Variants in OSBP observed in about 807,000 individuals in gnomAD.
The protein encoded by OSBP is oxysterol-binding protein 1.
A neutral mutation model predicts 96.6 loss-of-function variants in OSBP; 32 were observed. The observed-to-expected ratio is 0.33, with a 90% CI of 0.25 to 0.45. The LOEUF (loss-of-function observed/expected upper bound fraction) is 0.45, where lower values mean the gene tolerates loss of function less well. Among genes scored for constraint, OSBP ranks in the 20% least tolerant of loss-of-function variants. The probability of loss-of-function intolerance (pLI) is 1.00; values close to 1 mark genes in which losing one functional copy is unlikely to be tolerated. For synonymous variants in OSBP, 369 were observed against 389.6 expected, an observed-to-expected ratio of 0.95 and a Z score of 0.62; for missense variants, 653 against 1,029.7, an observed-to-expected ratio of 0.63 and a Z score of 5.01.
chr11:59,588,535 CA>C (rs1316153377), intron 9 of OSBP, among the ~76,000 whole-genome samples: 7,511 of 69,148 alleles, frequency 0.11, 414 homozygotes, highest in African/African-American at 0.28. Flanking sequence ...GACTCGGTCT[CA>C]AAAAAAAAAA....
intron 9 of OSBP, among the ~76,000 whole-genome samples, chr11:59,586,040 G>C (rs1860495784): frequency 6.6e-6 from 1 of 151,934 alleles, no homozygotes; most frequent in African/African-American, 2.4e-5. Flanking sequence ...GGAAGGCCGC[G>C]GGGTCCTCTG....
At chr11:59,614,567 T>G (rs1036697601) in intron 1 of OSBP, among the ~76,000 whole-genome samples, 7 of 152,228 alleles carry the variant, frequency 4.6e-5, no homozygotes, top group African/African-American at 1.2e-4. Context: ...AAGACATGGA[T>G]TCTTCTTTTA....
chr11:59,589,152 T>C (rs779082549), intron 9 of OSBP, among the ~76,000 whole-genome samples: 93 of 2,244 alleles, frequency 0.041, no homozygotes, highest in African/African-American at 0.092. Flanking sequence ...GCAATCATTC[T>C]TTTTTTTTTT....
At chr11:59,606,350 TA>T (rs916276242) in intron 3 of OSBP, among the ~76,000 whole-genome samples, 4 of 126,534 alleles carry the variant, frequency 3.2e-5, no homozygotes, top group African/African-American at 3.0e-5. Flanking sequence ...GAAACGGCCA[TA>T]AAAAAAAAAC....
chr11:59,594,391 G>A (rs976094288), intron 7 of OSBP, 136 bp from the exon 8 acceptor site: 18 of 739,516 alleles, frequency 2.4e-5, no homozygotes, highest in South Asian at 3.7e-5. Flanking sequence ...TATTTAACCC[G>A]CAAACAACCC....
chr11:59,576,561 T>C lies in OSBP; in HGVS notation c.*16A>G, dbSNP rs1229927890. ...CTCTTCTCCATTATATGCTCCTCTT[T>C]TTTGTTACTGCCGTTTCAGAAAATG... On this transcript the variant is annotated 3_prime_UTR_variant, in exon 14 of 14. Coordinates refer to ENST00000263847, the MANE Select transcript of OSBP (RefSeq NM_002556.3). The C allele has an allele frequency of 6.2e-7, 1 of 1,610,712 alleles. No homozygotes were observed. The highest frequency in any genetic ancestry group is 8.5e-7 in the Non-Finnish European group (1 of 1,178,924).
chr11:59,613,927 G>A (rs1203982102), intron 1 of OSBP, among the ~76,000 whole-genome samples: 1 of 152,174 alleles, frequency 6.6e-6, no homozygotes, highest in Non-Finnish European at 1.5e-5. Flanking sequence ...AAAGAGACTT[G>A]TTCAGCCTAA....
chr11:59,615,596 G>A lies in OSBP; in HGVS notation c.69C>T (p.Gly23=). 4 of 1,374,180 alleles carry A rather than the reference G, an allele frequency of 2.9e-6. No individual in the cohort carries two copies. Among genetic ancestry groups the A allele is most frequent in the South Asian group, 3.2e-5 (2 of 61,596 alleles). 85.1% of individuals were successfully genotyped at this position (1,374,180 alleles called of 1,614,324 possible). Residue 23 remains glycine (G), a synonymous_variant, in exon 1 of 14, where the codon GGC becomes GGT. Transcript: ENST00000263847. ...CTCCCACCACTGGGGGACCGGCGCC[G>A]CCGCCGCCAAGTGCTGCAATGGCTG... ...GPAAIAALGG[G]GAGPPVVGGG... is the part of the protein sequence containing the mutation.
At chr11:59,593,900 C>T in intron 8 of OSBP, 110 bp downstream of exon 8, 3 of 1,457,630 alleles carry the variant, frequency 2.1e-6, no homozygotes, top group Non-Finnish European at 2.8e-6. Flanking sequence ...AGAATAAAAG[C>T]TGGGATGACA....
At chr11:59,604,822 T>C (rs1011634877) in intron 3 of OSBP, among the ~76,000 whole-genome samples, 3 of 151,358 alleles carry the variant, frequency 2.0e-5, no homozygotes, top group South Asian at 2.1e-4. Flanking sequence ...GCCACTGCAC[T>C]CCAGCCTGGG....
Position 59,615,408 on chromosome 11 carries a change from C to A in OSBP, c.257G>T (p.Gly86Val). The change falls in exon 1 of 14, where the codon GGT becomes GTT. Residue 86 changes from glycine (G) to valine (V), a missense_variant. Gly to Val is a moderately radical substitution (Grantham distance 109). Transcript: ENST00000263847. ...CCAGCCCTCTCGAGCCGAGCCCGAA[C>A]CCCCAGCGCCCGAGCCGCCCGAGCC... Reference protein sequence around the residue: ...TGGSGGSGAGGSGSAREGWLF... With the variant: ...TGGSGGSGAGVSGSAREGWLF... The A allele has an allele frequency of 6.5e-7, 1 of 1,544,426 alleles. No homozygotes were observed. Among genetic ancestry groups the A allele is most frequent in the South Asian group, 1.2e-5 (1 of 86,202 alleles).
intron 8 of OSBP, 105 bp from the exon 9 acceptor site, chr11:59,593,829 C>A: frequency 6.7e-7 from 1 of 1,502,588 alleles, no homozygotes; most frequent in Non-Finnish European, 9.1e-7. Context: ...GTTTTTACAC[C>A]CACAACAGTA....
At chr11:59,610,934 G>A (rs972154223) in intron 1 of OSBP, among the ~76,000 whole-genome samples, 2 of 151,648 alleles carry the variant, frequency 1.3e-5, no homozygotes, top group African/African-American at 4.8e-5. Context: ...AGGAGTTCCA[G>A]ACCGGCCTGG....
intron 9 of OSBP, among the ~76,000 whole-genome samples, chr11:59,588,819 A>C (rs1468895322): frequency 6.6e-6 from 1 of 152,118 alleles, no homozygotes; most frequent in Non-Finnish European, 1.5e-5. Flanking sequence ...CAGCCTGGCC[A>C]ACATGGAGAA....
intron 3 of OSBP, among the ~76,000 whole-genome samples, chr11:59,605,989 ATAG>A (rs1324328703): frequency 6.6e-6 from 1 of 152,212 alleles, no homozygotes; most frequent in Non-Finnish European, 1.5e-5. Flanking sequence ...GCCTTTCTTC[ATAG>A]GAAGACTCTC....
At chr11:59,590,468 G>T (rs1208469393) in intron 9 of OSBP, among the ~76,000 whole-genome samples, 1 of 152,128 alleles carries the variant, frequency 6.6e-6, no homozygotes, top group Non-Finnish European at 1.5e-5. Flanking sequence ...ACCTATCTAT[G>T]CTTAGTTTTC....
chr11:59,615,237 C>T, intron 1 of OSBP, 66 bp downstream of exon 1: 1 of 1,373,124 alleles, frequency 7.3e-7, no homozygotes, highest in African/African-American at 1.5e-5. Context: ...GCGGTAATGC[C>T]GGAGCTGGGA....
chr11:59,594,677 A>G (rs1221157379), intron 7 of OSBP, among the ~76,000 whole-genome samples: 4 of 152,284 alleles, frequency 2.6e-5, no homozygotes, highest in Non-Finnish European at 4.4e-5. Flanking sequence ...GTAGTAAATT[A>G]TAAGTACAGC....
chr11:59,578,223 A>G lies in OSBP; in HGVS notation c.1986T>C (p.Asn662=). ...CFKVQPVIGE[N]GGDARQRGHE... is the part of the protein sequence containing the mutation. ...GGCCTCTCTGTCGAGCATCACCCCC[A>G]TTTTCCCCAATGACTGGCTGTACTT... The change falls in exon 12 of 14, where the codon AAT becomes AAC. Residue 662 remains asparagine (N), a synonymous_variant. Transcript: ENST00000263847. 4.3e-6 allele frequency: 7 copies of G among 1,613,522 alleles called. No homozygotes were observed. The highest frequency in any genetic ancestry group is 5.9e-6 in the Non-Finnish European group (7 of 1,179,902).
Sources: gnomAD v4.1 joint callset for allele counts (sites outside exome capture counted in the v4.1 genomes callset) on GRCh38, gnomAD v4.1.1 for gene constraint, MANE v1.5 for transcripts, NCBI Gene and HGNC (gene_info 2026-07-23, HGNC 2026-07-21) for gene names.